The following CCDC141 variants were observed in gnomAD, a reference collection of about 807,000 sequenced individuals.
The protein encoded by CCDC141 is coiled-coil domain-containing protein 141.
CCDC141 carries 168 observed loss-of-function variants against 181.0 expected under a neutral mutation model. The ratio of observed to expected loss-of-function variants is 0.93; its 90% CI spans 0.82 to 1.05. The LOEUF (loss-of-function observed/expected upper bound fraction) is 1.05, where lower values mean the gene tolerates loss of function less well. Among genes scored for constraint, CCDC141 ranks in the 50% least tolerant of loss-of-function variants. CCDC141 has a pLI of 0.00. For missense variants in CCDC141, 1,902 were observed against 1,788.5 expected (o/e 1.06, Z -1.14); for synonymous variants, 666 against 642.3 (o/e 1.04, Z -0.56).
chr2:178,967,841 C>A (rs1690707896), intron 4 of CCDC141, among the ~76,000 whole-genome samples: 1 of 151,962 alleles, frequency 6.6e-6, no homozygotes, highest in Admixed American at 6.6e-5. Context: ...ATTCAGGAAA[C>A]CCATCTTATG....
At chr2:178,989,077 T>A (rs1038658525) in intron 2 of CCDC141, among the ~76,000 whole-genome samples, 3 of 152,186 alleles carry the variant, frequency 2.0e-5, no homozygotes, top group Non-Finnish European at 4.4e-5. Context: ...TAAATTTTCA[T>A]CACCTTGAAT....
At chr2:178,824,548 G>A in the CCDC141 span, among the ~76,000 whole-genome samples, 1 of 148,424 alleles carries the variant, frequency 6.7e-6, no homozygotes, top group African/African-American at 2.5e-5. Flanking sequence ...GAACCCGGGA[G>A]GCAGAGGTTT....
chr2:178,836,837 T>C (rs747773527), intron 23 of CCDC141, 57 bp downstream of exon 23: 4 of 1,547,066 alleles, frequency 2.6e-6, no homozygotes, highest in South Asian at 2.6e-5. Context: ...CACAGAATGA[T>C]TTTTCTCTGT....
rs116628023 is a variant in CCDC141 at position 178,909,343 on chromosome 2, C to T, written c.1093-3842G>A. Reference sequence around the variant, plus strand: ...ACTATAAATTGTTCTGTGTATCACACTTAATAGAACTACAGCAGTAGAAAG... The same window carrying T: ...ACTATAAATTGTTCTGTGTATCACATTTAATAGAACTACAGCAGTAGAAAG... On this transcript the variant is annotated intron_variant, in intron 7 of 23. Transcript: ENST00000443758. 5.8e-3 allele frequency among the ~76,000 whole-genome samples: 880 copies of T among 152,302 alleles called. 9 individuals carry two copies. Among genetic ancestry groups the T allele is most frequent in the African/African-American group, 0.02 (837 of 41,548 alleles).
rs75438980 is a variant in CCDC141 at position 178,839,893 on chromosome 2, C to T, written c.3475-2149G>A. 5.2e-3 allele frequency among the ~76,000 whole-genome samples: 790 copies of T among 152,280 alleles called. 12 individuals are homozygous for T. Among genetic ancestry groups the T allele is most frequent in the African/African-American group, 0.018 (731 of 41,562 alleles). The stretch of plus-strand genomic sequence containing the variant: ...ATGAAAGTAGAATGCTTATTTTCCT[C>T]CTTATGGGGACTTTGATTAACCACC... On this transcript the variant is annotated intron_variant, in intron 22 of 23. Transcript: ENST00000443758.
intron 2 of CCDC141, among the ~76,000 whole-genome samples, chr2:179,015,379 A>G (rs62647557): frequency 2.3e-5 from 3 of 128,018 alleles, no homozygotes; most frequent in East Asian, 2.3e-4. Context: ...TATCATATAT[A>G]TCTCATATAT....
the CCDC141 span, among the ~76,000 whole-genome samples, chr2:178,820,429 C>T: frequency 7.9e-5 from 12 of 152,172 alleles, no homozygotes; most frequent in Non-Finnish European, 1.6e-4. Context: ...ATCGGATTCT[C>T]CTTTTAGATA....
At chr2:178,911,017 G>A (rs571124082) in intron 7 of CCDC141, among the ~76,000 whole-genome samples, 1 of 152,314 alleles carries the variant, frequency 6.6e-6, no homozygotes, top group African/African-American at 2.4e-5. Flanking sequence ...ACTTTAGGCA[G>A]CTAGTCACTA....
intron 7 of CCDC141, chr2:178,915,651 T>C (rs1688412513): frequency 3.3e-5 from 5 of 152,230 alleles, no homozygotes; most frequent in African/African-American, 1.2e-4. Context: ...ACATCCAATT[T>C]GCATGTGCCG....
chr2:178,985,816 C>T (rs1191470881), intron 2 of CCDC141, among the ~76,000 whole-genome samples: 1 of 152,074 alleles, frequency 6.6e-6, no homozygotes, highest in Non-Finnish European at 1.5e-5. Flanking sequence ...GAAATTGTGG[C>T]AATAATCAAT....
chr2:178,818,190 T>C, the CCDC141 span, among the ~76,000 whole-genome samples: 5 of 152,240 alleles, frequency 3.3e-5, no homozygotes, highest in South Asian at 2.1e-4. Flanking sequence ...TACCACCTCC[T>C]AATGTCTAGC....
intron 6 of CCDC141, among the ~76,000 whole-genome samples, chr2:178,925,191 G>C (rs1304223146): frequency 6.6e-6 from 1 of 152,202 alleles, no homozygotes; most frequent in Non-Finnish European, 1.5e-5. Context: ...TAATTTCTGA[G>C]TATTAGCTGC....
At chr2:179,044,885 C>T (rs560755456) in intron 2 of CCDC141, among the ~76,000 whole-genome samples, 1 of 152,284 alleles carries the variant, frequency 6.6e-6, no homozygotes, top group Non-Finnish European at 1.5e-5. Context: ...TTAGCCAAAT[C>T]ACACTAGTTT....
At position 178,920,826 on chromosome 2, in the gene CCDC141, G is replaced by C. The variant is rs114753596; in HGVS notation, c.898-1919C>G. Among the ~76,000 whole-genome samples, 132 of 152,192 alleles carry C rather than the reference G, an allele frequency of 8.7e-4. 1 individual carries two copies. Among genetic ancestry groups the C allele is most frequent in the Non-Finnish European group, 9.4e-4 (64 of 68,010 alleles). ...TCCATGGAAACTGTTATAGTTTTAG[G>C]TGCAAAAGAAAAACATTTTGATCAA... On this transcript the variant is annotated intron_variant, in intron 6 of 23. Coordinates refer to ENST00000443758, the MANE Select transcript of CCDC141 (RefSeq NM_173648.4).
intron 2 of CCDC141, among the ~76,000 whole-genome samples, chr2:178,979,415 G>A (rs1020552396): frequency 6.6e-6 from 1 of 151,830 alleles, no homozygotes; most frequent in Admixed American, 6.6e-5. Flanking sequence ...ATACAACAAA[G>A]AAAACAAAAG....
intron 7 of CCDC141, among the ~76,000 whole-genome samples, chr2:178,917,164 T>C (rs1262814014): frequency 6.6e-6 from 1 of 152,216 alleles, no homozygotes; most frequent in Admixed American, 6.5e-5. Flanking sequence ...TTAGAAACAA[T>C]ATTAACTGAC....
At chr2:178,844,758 TTTTG>T (rs1684865512) in intron 22 of CCDC141, among the ~76,000 whole-genome samples, 1 of 152,034 alleles carries the variant, frequency 6.6e-6, no homozygotes, top group South Asian at 2.1e-4. Context: ...TGGAGAGGGT[TTTTG>T]TTTGTTTTTA....
chr2:178,828,791 A>T (rs542639620), downstream of CCDC141, among the ~76,000 whole-genome samples: 1 of 152,216 alleles, frequency 6.6e-6, no homozygotes, highest in Non-Finnish European at 1.5e-5. Context: ...CGTTGGAGAC[A>T]ATTTGCCATG....
intron 2 of CCDC141, among the ~76,000 whole-genome samples, chr2:179,042,237 T>C (rs1435261787): frequency 1.3e-5 from 2 of 152,134 alleles, no homozygotes; most frequent in African/African-American, 4.8e-5. Context: ...CACAATCAAA[T>C]TAGAAGTCAA....
Sources: gnomAD v4.1 joint callset for allele counts (sites outside exome capture counted in the v4.1 genomes callset) on GRCh38, gnomAD v4.1.1 for gene constraint, MANE v1.5 for transcripts, NCBI Gene and HGNC (gene_info 2026-07-23, HGNC 2026-07-21) for gene names.